TUSC3: variants seen among roughly 807,000 people sequenced by gnomAD.
TUSC3 encodes tumor suppressor candidate 3, also known as dolichyl-diphosphooligosaccharide--protein glycosyltransferase subunit TUSC3.
In TUSC3, 45 loss-of-function variants were observed where a neutral mutation model predicts 44.8. The observed-to-expected ratio is 1.00, with a 90% CI of 0.79 to 1.29. The LOEUF (loss-of-function observed/expected upper bound fraction) is 1.29, where lower values mean the gene tolerates loss of function less well. Among genes scored for constraint, TUSC3 ranks in the 50% most tolerant of loss-of-function variants. The pLI is 0.00. For synonymous variants in TUSC3, 212 were observed against 152.9 expected, an observed-to-expected ratio of 1.39 and a Z score of -2.85; for missense variants, 519 against 437.9, an observed-to-expected ratio of 1.19 and a Z score of -1.65.
chr8:15,692,647 G>A (rs1184020034), intron 6 of TUSC3, among the ~76,000 whole-genome samples: 3 of 148,052 alleles, frequency 2.0e-5, no homozygotes, highest in Non-Finnish European at 4.5e-5. Flanking sequence ...GGTATTTGTA[G>A]TAGTTTCTGA....
At chr8:15,616,360 C>A (rs1470404829) in intron 1 of TUSC3, among the ~76,000 whole-genome samples, 1 of 151,956 alleles carries the variant, frequency 6.6e-6, no homozygotes, top group Non-Finnish European at 1.5e-5. Context: ...GGTGGATCAC[C>A]TGAGGTCAGG....
intron 1 of TUSC3, among the ~76,000 whole-genome samples, chr8:15,473,669 C>T (rs1800528193): frequency 6.6e-6 from 1 of 152,158 alleles, no homozygotes; most frequent in African/African-American, 2.4e-5. Context: ...GCCGCAAAAC[C>T]AGCAAGTTTT....
intron 9 of TUSC3, among the ~76,000 whole-genome samples, chr8:15,750,728 T>C (rs980809652): frequency 1.3e-5 from 2 of 152,182 alleles, no homozygotes; most frequent in African/African-American, 4.8e-5. Context: ...GTTATTTCTG[T>C]GTGAATGTGG....
intron 9 of TUSC3, among the ~76,000 whole-genome samples, chr8:15,749,529 T>C (rs563499798): frequency 1.2e-4 from 19 of 152,144 alleles, no homozygotes; most frequent in Non-Finnish European, 2.5e-4. Flanking sequence ...ATGGAAGAAA[T>C]GTGGGTATCA....
intron 2 of TUSC3, among the ~76,000 whole-genome samples, chr8:15,636,955 A>C (rs2129170125): frequency 6.6e-6 from 1 of 152,168 alleles, no homozygotes; most frequent in African/African-American, 2.4e-5. Flanking sequence ...TCTTACTTTG[A>C]ATGTGATTTG....
At chr8:15,724,217 C>T (rs1302126609) in intron 6 of TUSC3, among the ~76,000 whole-genome samples, 1 of 152,112 alleles carries the variant, frequency 6.6e-6, no homozygotes, top group Non-Finnish European at 1.5e-5. Context: ...ATCCCATTGG[C>T]ACCTTCATCT....
intron 1 of TUSC3, among the ~76,000 whole-genome samples, chr8:15,428,992 A>G (rs1405284673): frequency 6.6e-6 from 1 of 152,226 alleles, no homozygotes. Flanking sequence ...CCATTTGTCA[A>G]TTTTGACTTC....
In TUSC3 at chr8:15,443,381, T is replaced by A. The variant is rs550411769; in HGVS notation, n.91+26076T>A. On this transcript the variant is annotated intron_variant and non_coding_transcript_variant, in intron 1 of 5. Transcript: ENST00000503191. ...GTGTGTGTGTGTGTGTGTGTGTGTG[T>A]AAAGATGGGGTTTCACCATGTTGCC... Among the ~76,000 whole-genome samples the A allele has an allele frequency of 9.6e-5, 14 of 145,788 alleles. No homozygotes were observed. The South Asian group carries it at 3.1e-3, about 32-fold the overall frequency.
chr8:15,435,289 A>T (rs1799931843), intron 1 of TUSC3, among the ~76,000 whole-genome samples: 1 of 152,154 alleles, frequency 6.6e-6, no homozygotes, highest in Non-Finnish European at 1.5e-5. Flanking sequence ...GTGGCCAGTG[A>T]TGATGAGCAT....
At chr8:15,478,451 C>A (rs1800611944) in intron 1 of TUSC3, among the ~76,000 whole-genome samples, 1 of 152,078 alleles carries the variant, frequency 6.6e-6, no homozygotes, top group Admixed American at 6.6e-5. Flanking sequence ...CAAGAGGCCC[C>A]AATGTGTGTT....
At chr8:15,456,200 G>A (rs116131926) in intron 1 of TUSC3, among the ~76,000 whole-genome samples, 1 of 152,072 alleles carries the variant, frequency 6.6e-6, no homozygotes, top group African/African-American at 2.4e-5. Context: ...ATTGATTTGA[G>A]TAATAAATCT....
chr8:15,573,168 TTCTC>T (rs1554516638), intron 1 of TUSC3, among the ~76,000 whole-genome samples: 3,782 of 85,292 alleles, frequency 0.044, 109 homozygotes, highest in South Asian at 0.087. Context: ...TTCTCTCTCT[TTCTC>T]TCTCTCTCTC....
chr8:15,671,470 G>T (rs1004580063), intron 5 of TUSC3, among the ~76,000 whole-genome samples: 2 of 151,958 alleles, frequency 1.3e-5, no homozygotes, highest in African/African-American at 2.4e-5. Flanking sequence ...AGGCTATTTT[G>T]CATTTTAGAA....
At chr8:15,749,777 G>GT (rs777764078) in intron 9 of TUSC3, among the ~76,000 whole-genome samples, 2 of 145,998 alleles carry the variant, frequency 1.4e-5, no homozygotes, top group East Asian at 2.0e-4. Context: ...TGAGAATCAT[G>GT]TTTTTGTATG....
intron 1 of TUSC3, among the ~76,000 whole-genome samples, chr8:15,569,040 T>G (rs961734237): frequency 2.0e-5 from 3 of 152,152 alleles, no homozygotes; most frequent in African/African-American, 7.2e-5. Flanking sequence ...TGCTAAGTCA[T>G]TATTGTGCGG....
intron 1 of TUSC3, among the ~76,000 whole-genome samples, chr8:15,588,509 T>C (rs552640041): frequency 1.3e-5 from 2 of 152,342 alleles, no homozygotes; most frequent in African/African-American, 4.8e-5. Context: ...TTCTATGGGC[T>C]GTCTCTTCAC....
intron 7 of TUSC3, among the ~76,000 whole-genome samples, chr8:15,737,417 G>C (rs749003865): frequency 1.1e-4 from 17 of 152,012 alleles, no homozygotes; most frequent in Non-Finnish European, 1.3e-4. Context: ...AGTGCCTCTG[G>C]GTATTGTATG....
intron 1 of TUSC3, among the ~76,000 whole-genome samples, chr8:15,468,100 TA>T (rs1800437952): frequency 6.6e-6 from 1 of 152,176 alleles, no homozygotes; most frequent in South Asian, 2.1e-4. Flanking sequence ...GTATTTCTGC[TA>T]AATGTATTCT....
chr8:15,436,798 G>T (rs769659330), intron 1 of TUSC3, among the ~76,000 whole-genome samples: 2 of 152,160 alleles, frequency 1.3e-5, no homozygotes, highest in Non-Finnish European at 2.9e-5. Context: ...CTGTCTTACA[G>T]ATTAAAAATA....
Sources: allele counts gnomAD v4.1 joint callset (sites outside exome capture counted in the v4.1 genomes callset), GRCh38; gene constraint gnomAD v4.1.1; transcripts MANE v1.5; gene names NCBI Gene and HGNC (gene_info 2026-07-23, HGNC 2026-07-21).